Variants in ACVR1 observed in about 807,000 individuals in gnomAD.
The protein encoded by ACVR1 is activin receptor type-1.
A neutral mutation model predicts 57.1 loss-of-function variants in ACVR1; 38 were observed. The ratio of observed to expected loss-of-function variants is 0.67; its 90% CI spans 0.51 to 0.87. The LOEUF is 0.87. Ranked by LOEUF, ACVR1 falls within the 40% of genes least tolerant of loss-of-function variation. The pLI is 0.00. For missense variants in ACVR1, 463 were observed against 638.2 expected, an observed-to-expected ratio of 0.73 and a Z score of 2.96; for synonymous variants, 212 against 228.1, an observed-to-expected ratio of 0.93 and a Z score of 0.63.
chr2:157,815,392 A>G (rs560978446), intron 2 of ACVR1, among the ~76,000 whole-genome samples: 1 of 152,200 alleles, frequency 6.6e-6, no homozygotes, highest in African/African-American at 2.4e-5. Flanking sequence ...TCTTGTATAC[A>G]TTAATTACAT....
chr2:157,787,133 T>A (rs72999420), intron 3 of ACVR1, among the ~76,000 whole-genome samples: 3,692 of 152,252 alleles, frequency 0.024, 160 homozygotes, highest in African/African-American at 0.084. Flanking sequence ...CCACACCTTC[T>A]ATTTAGAAGC....
intron 2 of ACVR1, among the ~76,000 whole-genome samples, chr2:157,804,512 T>G (rs1687448873): frequency 6.6e-6 from 1 of 152,196 alleles, no homozygotes; most frequent in South Asian, 2.1e-4. Flanking sequence ...TGCCAAAATC[T>G]CTAACTGAAA....
chr2:157,810,191 T>C (rs898401954), intron 2 of ACVR1, among the ~76,000 whole-genome samples: 5 of 152,236 alleles, frequency 3.3e-5, no homozygotes, highest in African/African-American at 1.2e-4. Context: ...ACTGTGATTA[T>C]GAAATCATTG....
At chr2:157,778,460 G>A (rs979372148) in intron 4 of ACVR1, 118 bp from the exon 5 acceptor site, 13 of 855,428 alleles carry the variant, frequency 1.5e-5, no homozygotes, top group African/African-American at 5.0e-5. Context: ...CACAACTCAC[G>A]AAGTATTAAA....
intron 2 of ACVR1, among the ~76,000 whole-genome samples, chr2:157,801,194 C>G (rs934404050): frequency 2.6e-5 from 4 of 152,176 alleles, no homozygotes; most frequent in Non-Finnish European, 1.5e-5. Context: ...GTCTCTATCT[C>G]AGTTCTCTAT....
At chr2:157,795,755 C>T (rs1251903691) in intron 3 of ACVR1, among the ~76,000 whole-genome samples, 6 of 152,274 alleles carry the variant, frequency 3.9e-5, no homozygotes, top group East Asian at 3.9e-4. Context: ...AAACAACCAA[C>T]GGCATGGTTA....
intron 9 of ACVR1, among the ~76,000 whole-genome samples, chr2:157,756,717 A>T (rs1167193713): frequency 1.3e-5 from 2 of 151,980 alleles, no homozygotes; most frequent in Non-Finnish European, 2.9e-5. Context: ...GGGAACGTAA[A>T]CTAGTACAAC....
chr2:157,755,804 G>C (rs1432321628), intron 9 of ACVR1, among the ~76,000 whole-genome samples: 1 of 151,890 alleles, frequency 6.6e-6, no homozygotes, highest in Non-Finnish European at 1.5e-5. Flanking sequence ...CACAGAACTA[G>C]AAAAAGCAAT....
chr2:157,810,108 A>C (rs917001502), intron 2 of ACVR1, among the ~76,000 whole-genome samples: 1 of 152,162 alleles, frequency 6.6e-6, no homozygotes, highest in Admixed American at 6.5e-5. Flanking sequence ...CTAAAAATAA[A>C]ACAAAGACCC....
intron 1 of ACVR1, among the ~76,000 whole-genome samples, chr2:157,857,738 A>C (rs1689585393): frequency 6.6e-6 from 1 of 152,188 alleles, no homozygotes; most frequent in South Asian, 2.1e-4. Context: ...AAGAAATCCT[A>C]ATGACATTTA....
Position 157,770,523 on chromosome 2 carries a change from A to G in ACVR1, c.644-9T>C. ...ACCATACCTGCCTTTCCCTATGAAA[A>G]GCAAAACATAGGTGACACAGAACAG... On this transcript the variant is annotated splice_polypyrimidine_tract_variant and intron_variant, in intron 6 of 10. Transcript: ENST00000434821. 6.2e-7 allele frequency: 1 copy of G among 1,613,916 alleles called. No individual in the cohort carries two copies. Among genetic ancestry groups the G allele is most frequent in the Non-Finnish European group, 8.5e-7 (1 of 1,179,892 alleles).
At chr2:157,792,505 T>C (rs2105296795) in intron 3 of ACVR1, among the ~76,000 whole-genome samples, 1 of 152,226 alleles carries the variant, frequency 6.6e-6, no homozygotes, top group Middle Eastern at 3.4e-3. Flanking sequence ...TAGACCAGCT[T>C]TGTTGAGGAA....
chr2:157,766,100 T>C lies in ACVR1; in HGVS notation c.887A>G (p.Gln296Arg). 1 of 1,614,154 alleles carries C rather than the reference T, an allele frequency of 6.2e-7. No homozygotes were observed. The highest frequency in any genetic ancestry group is 8.5e-7 in the Non-Finnish European group (1 of 1,180,014). ...GCTAACTGTATCCAGAGTAGTAAGC[T>C]GAAGATAGTCGTACAACGATCCCAT... ...HEMGSLYDYL[Q>R]LTTLDTVSCL... Residue 296 changes from glutamine (Q) to arginine (R), a missense_variant, in exon 8 of 11, where the codon CAG becomes CGG. This residue lies in a region of ACVR1 where 114 missense variants were observed against 216.2 expected (regional missense o/e 0.53). Coordinates refer to ENST00000434821, the MANE Select transcript of ACVR1 (RefSeq NM_001111067.4).
intron 1 of ACVR1, among the ~76,000 whole-genome samples, chr2:157,846,795 A>G (rs1324809248): frequency 6.6e-6 from 1 of 152,242 alleles, no homozygotes; most frequent in Non-Finnish European, 1.5e-5. Context: ...CTATACTTCA[A>G]TAAACACATA....
At chr2:157,840,722 A>T (rs1688946026) in intron 1 of ACVR1, among the ~76,000 whole-genome samples, 1 of 152,256 alleles carries the variant, frequency 6.6e-6, no homozygotes, top group Non-Finnish European at 1.5e-5. Context: ...AAAGGCCAGG[A>T]AGCCAGCATG....
rs200059515 is a variant in ACVR1 at position 157,760,872 on chromosome 2, A to G, written c.1264+8T>C. 2 of 1,613,670 alleles carry G rather than the reference A, an allele frequency of 1.2e-6. No individual in the cohort carries two copies. Among genetic ancestry groups the G allele is most frequent in the East Asian group, 2.2e-5 (1 of 44,860 alleles). ...TTAAGACAATATTATATTAGATTAGATACCTACCATTGCTCACCATCCGCC... is the reference window on the plus strand; with the variant it reads ...TTAAGACAATATTATATTAGATTAGGTACCTACCATTGCTCACCATCCGCC... On this transcript the variant is annotated splice_region_variant and intron_variant, in intron 9 of 10. Transcript: ENST00000434821.
In ACVR1 at chr2:157,760,995, G is replaced by T; in HGVS notation, c.1149C>A (p.Ala383=). ...GGATGGTTTCATCTAGAACTTCGGG[G>T]GCCATGTAGCGCTTGGTGCCCACAC... ...NPRVGTKRYM[A]PEVLDETIQV... Residue 383 remains alanine, a synonymous_variant, in exon 9 of 11, where the codon GCC becomes GCA. Transcript: ENST00000434821. The T allele has an allele frequency of 6.2e-7, 1 of 1,614,064 alleles. No individual in the cohort carries two copies. The highest frequency in any genetic ancestry group is 8.5e-7 in the Non-Finnish European group (1 of 1,180,006).
intron 3 of ACVR1, among the ~76,000 whole-genome samples, chr2:157,796,217 G>A (rs1341917254): frequency 1.0e-5 from 1 of 97,350 alleles, no homozygotes; most frequent in Non-Finnish European, 2.4e-5. Context: ...GTGAGACTCT[G>A]CCTCAAAAAA....
intron 9 of ACVR1, among the ~76,000 whole-genome samples, chr2:157,741,267 G>A (rs1389075105): frequency 6.6e-6 from 1 of 152,004 alleles, no homozygotes; most frequent in African/African-American, 2.4e-5. Context: ...ACTTTCACTT[G>A]TGAGATCCTA....
Sources: allele counts gnomAD v4.1 joint callset (sites outside exome capture counted in the v4.1 genomes callset), GRCh38; gene constraint gnomAD v4.1.1; regional missense constraint gnomAD v4.1.1; transcripts MANE v1.5; gene names NCBI Gene and HGNC (gene_info 2026-07-23, HGNC 2026-07-21).